NLGN1: variants seen among roughly 807,000 people sequenced by gnomAD.
The protein encoded by NLGN1 is neuroligin-1.
Under a neutral mutation model 65.5 loss-of-function variants are expected in NLGN1, and 12 were observed. That is an observed-to-expected ratio of 0.18 (90% confidence interval 0.12 to 0.30). The LOEUF (loss-of-function observed/expected upper bound fraction) is 0.30. Ranked by LOEUF, NLGN1 falls within the 10% of genes least tolerant of loss-of-function variation. The pLI, the probability that NLGN1 is intolerant of heterozygous loss-of-function variation, is 1.00. For missense variants in NLGN1, 750 were observed against 1,007.1 expected (o/e 0.74, Z 3.46); for synonymous variants, 350 against 359.5 (o/e 0.97, Z 0.30).
At chr3:173,760,915 A>C (rs1444336872) in intron 3 of NLGN1, among the ~76,000 whole-genome samples, 3 of 152,060 alleles carry the variant, frequency 2.0e-5, no homozygotes, top group African/African-American at 7.2e-5. Context: ...AAATCATCCC[A>C]GTTAAGTCAG....
intron 2 of NLGN1, among the ~76,000 whole-genome samples, chr3:173,595,952 G>A (rs917038040): frequency 1.3e-5 from 2 of 152,216 alleles, no homozygotes; most frequent in African/African-American, 4.8e-5. Context: ...AATTATGGGA[G>A]TTCAATTCAA....
At position 173,857,764 on chromosome 3, in the gene NLGN1, A is replaced by T. The variant is rs555850083; in HGVS notation, c.646+49932A>T. Among the ~76,000 whole-genome samples the T allele has an allele frequency of 4.2e-5, 6 of 143,354 alleles. No homozygotes were observed. In the East Asian group the frequency reaches 1.2e-3, roughly 30 times the overall value. The allele number at this position is 143,354 out of a possible 152,430, so 94.0% of individuals were successfully genotyped here. On this transcript the variant is annotated intron_variant, in intron 4 of 6. Transcript: ENST00000457714. ...TCCCTTTATTCCCCATCCCAAGGCC[A>T]CTTAAAAAATTACTAAGTGAACAAT... is the stretch of plus-strand genomic sequence containing the variant.
chr3:173,784,165 G>T (rs1781605406), intron 3 of NLGN1, among the ~76,000 whole-genome samples: 1 of 152,112 alleles, frequency 6.6e-6, no homozygotes, highest in African/African-American at 2.4e-5. Context: ...AGTTGCTTTT[G>T]TCTACATTTT....
chr3:173,632,621 G>A (rs932152130), intron 3 of NLGN1, among the ~76,000 whole-genome samples: 21 of 152,158 alleles, frequency 1.4e-4, no homozygotes, highest in Admixed American at 8.5e-4. Context: ...TCAATTCATC[G>A]TTAGATATTT....
intron 4 of NLGN1, among the ~76,000 whole-genome samples, chr3:173,962,827 C>A (rs900587133): frequency 6.6e-6 from 1 of 151,988 alleles, no homozygotes. Context: ...CTCAATATAC[C>A]TTATCTGTCT....
intron 4 of NLGN1, among the ~76,000 whole-genome samples, chr3:174,043,742 G>T (rs1732880962): frequency 6.6e-6 from 1 of 152,218 alleles, no homozygotes; most frequent in Non-Finnish European, 1.5e-5. Flanking sequence ...GGCACACAGT[G>T]CAAGCTGTTG....
intron 2 of NLGN1, among the ~76,000 whole-genome samples, chr3:173,506,241 T>C (rs931269242): frequency 6.6e-6 from 1 of 152,056 alleles, no homozygotes. Context: ...ATACTAAAGG[T>C]GAGGGTTGCC....
intron 3 of NLGN1, among the ~76,000 whole-genome samples, chr3:173,804,114 T>G (rs1716090531): frequency 6.6e-6 from 1 of 152,148 alleles, no homozygotes; most frequent in Non-Finnish European, 1.5e-5. Context: ...ATAAGAAAGA[T>G]AAAATAGGTA....
chr3:174,107,912 T>C (rs1457677151), intron 4 of NLGN1, among the ~76,000 whole-genome samples: 2 of 152,148 alleles, frequency 1.3e-5, no homozygotes, highest in Non-Finnish European at 2.9e-5. Flanking sequence ...ATGTGCGTAT[T>C]TGCTATCAAC....
chr3:173,788,042 G>T (rs1243577134), intron 3 of NLGN1, among the ~76,000 whole-genome samples: 1 of 151,446 alleles, frequency 6.6e-6, no homozygotes, highest in Non-Finnish European at 1.5e-5. Context: ...AAAAATATTG[G>T]CTTTTTAACT....
At chr3:173,417,438 TC>T (rs1374026773) in intron 1 of NLGN1, among the ~76,000 whole-genome samples, 1 of 151,934 alleles carries the variant, frequency 6.6e-6, no homozygotes, top group Non-Finnish European at 1.5e-5. Context: ...ATAGTGATTT[TC>T]TATTTTGCTT....
chr3:174,269,874 A>G (rs1749010347), intron 4 of NLGN1, among the ~76,000 whole-genome samples: 1 of 151,852 alleles, frequency 6.6e-6, no homozygotes, highest in African/African-American at 2.4e-5. Flanking sequence ...TGTGGGTGTG[A>G]GGGGATATCA....
chr3:173,889,491 A>T (rs2150967506), intron 4 of NLGN1, among the ~76,000 whole-genome samples: 1 of 152,250 alleles, frequency 6.6e-6, no homozygotes, highest in East Asian at 1.9e-4. Context: ...TGGCATGACC[A>T]TTTAGTTGTG....
intron 4 of NLGN1, among the ~76,000 whole-genome samples, chr3:174,057,194 A>G (rs898358082): frequency 2.0e-5 from 3 of 152,122 alleles, no homozygotes; most frequent in Non-Finnish European, 4.4e-5. Flanking sequence ...GAAGAGAAGT[A>G]AGTCATAACT....
intron 4 of NLGN1, among the ~76,000 whole-genome samples, chr3:173,986,504 G>C (rs1345066476): frequency 6.6e-6 from 1 of 151,742 alleles, no homozygotes; most frequent in East Asian, 1.9e-4. Context: ...TAAAAAGGAT[G>C]GGGGGAAATT....
intron 4 of NLGN1, among the ~76,000 whole-genome samples, chr3:174,065,926 CA>C (rs1363931348): frequency 1.1e-4 from 17 of 152,114 alleles, no homozygotes; most frequent in Admixed American, 1.1e-3. Flanking sequence ...ATCTTGCCAA[CA>C]ATCACATGAG....
chr3:173,685,854 G>A, intron 3 of NLGN1: 1 of 915,522 alleles, frequency 1.1e-6, no homozygotes, highest in East Asian at 1.2e-4. Flanking sequence ...TTCAACATCA[G>A]ATGTCCTCTT....
chr3:174,077,512 T>C (rs922494842), intron 4 of NLGN1, among the ~76,000 whole-genome samples: 22 of 152,050 alleles, frequency 1.4e-4, no homozygotes, highest in African/African-American at 4.6e-4. Flanking sequence ...TGAGGAAATA[T>C]ATATATTTAG....
intron 4 of NLGN1, among the ~76,000 whole-genome samples, chr3:174,220,039 G>T (rs996115350): frequency 6.6e-6 from 1 of 152,058 alleles, no homozygotes; most frequent in African/African-American, 2.4e-5. Context: ...GCAATGTAAG[G>T]CTCTGGCAAT....
Sources: gnomAD v4.1 joint callset for allele counts (sites outside exome capture counted in the v4.1 genomes callset) on GRCh38, gnomAD v4.1.1 for gene constraint, MANE v1.5 for transcripts, NCBI Gene and HGNC (gene_info 2026-07-23, HGNC 2026-07-21) for gene names.